The following FSCN1 variants were observed in gnomAD, a reference collection of about 807,000 sequenced individuals.
FSCN1 encodes fascin.
Under a neutral mutation model 39.7 loss-of-function variants are expected in FSCN1, and 10 were observed. The ratio of observed to expected loss-of-function variants is 0.25; its 90% CI spans 0.16 to 0.43. The LOEUF is 0.43. FSCN1 is among the 20% of genes least tolerant of loss of function. FSCN1 has a pLI of 1.00. For synonymous variants in FSCN1, 322 were observed against 320.0 expected (o/e 1.01, Z -0.07); for missense variants, 525 against 723.8 (o/e 0.73, Z 3.15).
Position 5,593,110 on chromosome 7 carries a change from G to A in FSCN1, c.174G>A (p.Ala58=). 6.2e-7 allele frequency: 1 copy of A among 1,604,884 alleles called. No homozygotes were observed. Among genetic ancestry groups the A allele is most frequent in the Non-Finnish European group, 8.5e-7 (1 of 1,177,112 alleles). The change falls in exon 1 of 5, where the codon GCG becomes GCA. Residue 58 remains alanine (A), a synonymous_variant. Transcript: ENST00000382361. ...LEQPPDEAGS[A]AVCLRSHLGR... is the part of the protein sequence containing the mutation. ...AGCCCCCTGACGAGGCGGGCAGCGC[G>A]GCCGTGTGCCTGCGCAGCCACCTGG...
intron 4 of FSCN1, 46 bp downstream of exon 4, chr7:5,604,076 G>C: frequency 6.3e-7 from 1 of 1,584,214 alleles, no homozygotes; most frequent in South Asian, 1.1e-5. Context: ...CCCCTCGGTC[G>C]GGGCTGGGGT....
Position 5,603,081 on chromosome 7 carries a change from G to A in FSCN1, c.833-176G>A. ...CTTGCCTTGGCCTCTGACCGGCCCT[G>A]CCTGCGTTCCTGGGTGCTCTCTGCT... On this transcript the variant is annotated intron_variant, in intron 1 of 4. Transcript: ENST00000382361. This position sits in a 1 kb window ranked among gnomAD's most constrained non-coding sequence, Gnocchi z 8.5. 1 of 666,080 alleles carries A rather than the reference G, an allele frequency of 1.5e-6. No homozygotes were observed. Among genetic ancestry groups the A allele is most frequent in the South Asian group, 1.8e-5 (1 of 54,562 alleles). 41.3% of individuals were successfully genotyped at this position (666,080 alleles called of 1,614,324 possible).
At position 5,605,196 on chromosome 7, in the gene FSCN1, G is replaced by A. The variant is rs542941432; in HGVS notation, c.1280-76G>A. The A allele has an allele frequency of 5.3e-6, 6 of 1,134,964 alleles. No individual in the cohort carries two copies. The Admixed American group carries it at 5.4e-5, about 10-fold the overall frequency. 70.3% of individuals were successfully genotyped at this position (1,134,964 alleles called of 1,614,324 possible). On this transcript the variant is annotated intron_variant, in intron 4 of 4. Transcript: ENST00000382361. The surrounding 1 kb of genome is among the most constrained non-coding windows in gnomAD (Gnocchi z 6.9). The stretch of plus-strand genomic sequence containing the variant: ...TGGGGCGTCACCCTTGGGAACACCC[G>A]TGCCCACCCTCCGCTGCCCAGGGTA...
chr7:5,601,867 CAG>C (rs1025460814), intron 1 of FSCN1, among the ~76,000 whole-genome samples: 4 of 151,934 alleles, frequency 2.6e-5, no homozygotes, highest in South Asian at 4.1e-4. Context: ...TTTGCCAACA[CAG>C]GGGTGTTCTG....
intron 1 of FSCN1, 137 bp downstream of exon 1, chr7:5,593,905 C>T (rs1219773109): frequency 1.6e-6 from 1 of 638,826 alleles, no homozygotes; most frequent in Non-Finnish European, 2.6e-6. Context: ...CCCCGCTAGG[C>T]ACGCGGGCTA....
At position 5,599,501 on chromosome 7, in the gene FSCN1, G is replaced by A. The variant is rs761015181; in HGVS notation, c.833-3756G>A. Among the ~76,000 whole-genome samples, 1 of 152,192 alleles carries A rather than the reference G, an allele frequency of 6.6e-6. No homozygotes were observed. The highest frequency in any genetic ancestry group is 2.1e-4 in the South Asian group (1 of 4,836). ...CTGTGGAGCAGATGTGGGGCTGCATGGTTGGGTCAGGATGGAACAGGATGG... is the reference window on the plus strand; with the variant it reads ...CTGTGGAGCAGATGTGGGGCTGCATAGTTGGGTCAGGATGGAACAGGATGG... On this transcript the variant is annotated intron_variant, in intron 1 of 4. Transcript: ENST00000382361. This position sits in a 1 kb window ranked among gnomAD's most constrained non-coding sequence, Gnocchi z 5.6.
intron 1 of FSCN1, among the ~76,000 whole-genome samples, chr7:5,598,782 C>G (rs916486858): frequency 6.6e-6 from 1 of 152,192 alleles, no homozygotes; most frequent in Non-Finnish European, 1.5e-5. Flanking sequence ...AGGAGGCTGT[C>G]CTCTTACCTG....
At chr7:5,604,187 C>T (rs1326261528) in intron 4 of FSCN1, among the ~76,000 whole-genome samples, 157 bp downstream of exon 4, 1 of 152,122 alleles carries the variant, frequency 6.6e-6, no homozygotes, top group African/African-American at 2.4e-5. Context: ...CCACCAGGGG[C>T]TCTGGGATGC....
intron 1 of FSCN1, among the ~76,000 whole-genome samples, chr7:5,595,950 G>T (rs535405338): frequency 1.3e-5 from 2 of 152,070 alleles, no homozygotes; most frequent in African/African-American, 4.8e-5. Context: ...AGGCTGATAG[G>T]GTGGGAGGAA....
At chr7:5,604,415 G>GCCCCTTCCCAGGAGGAC (rs1239252991) in intron 4 of FSCN1, among the ~76,000 whole-genome samples, 3 of 152,062 alleles carry the variant, frequency 2.0e-5, no homozygotes, top group Non-Finnish European at 4.4e-5. Flanking sequence ...TGGGACTGGA[G>GCCCCTTCCCAGGAGGAC]CCCCTTCCCA....
Position 5,599,116 on chromosome 7 carries a change from C to G in FSCN1, c.833-4141C>G, listed in dbSNP as rs1394343123. ...CTGGGGTGTGGCCTTAGGATGGTCCCGGCACCCTGGGACCCAGCCCCTGCT... is the reference window on the plus strand; with the variant it reads ...CTGGGGTGTGGCCTTAGGATGGTCCGGGCACCCTGGGACCCAGCCCCTGCT... On this transcript the variant is annotated intron_variant, in intron 1 of 4. Transcript: ENST00000382361. This position sits in a 1 kb window ranked among gnomAD's most constrained non-coding sequence, Gnocchi z 5.6. Among the ~76,000 whole-genome samples the G allele has an allele frequency of 6.8e-3, 1 of 148 alleles. No individual in the cohort carries two copies. The highest frequency in any genetic ancestry group is 0.1 in the South Asian group (1 of 10). The allele number at this position is 148 out of a possible 152,430, so 0.1% of individuals were successfully genotyped here. A position where few individuals can be genotyped will look rare whatever the true frequency, so the allele number is the denominator to read the frequency against.
rs756296237 is a variant in FSCN1, at chr7:5,593,144, C to G, written c.208C>G (p.Leu70Val). 10 of 1,603,240 alleles carry G rather than the reference C, an allele frequency of 6.2e-6. No homozygotes were observed. The highest frequency in any genetic ancestry group is 8.5e-6 in the Non-Finnish European group (10 of 1,176,070). ...CCTGCGCAGCCACCTGGGCCGCTAC[C>G]TGGCGGCGGACAAGGACGGCAACGT... Reference protein sequence around the residue: ...VCLRSHLGRYLAADKDGNVTC... With the variant: ...VCLRSHLGRYVAADKDGNVTC... The change falls in exon 1 of 5, where the codon CTG (leucine) becomes GTG (valine). Residue 70 changes from leucine (L) to valine (V), a missense_variant. Leu to Val is a conservative substitution (Grantham distance 32, BLOSUM62 1). Coordinates refer to ENST00000382361, the MANE Select transcript of FSCN1 (RefSeq NM_003088.4).
intron 1 of FSCN1, among the ~76,000 whole-genome samples, chr7:5,601,616 T>A (rs1785833017): frequency 6.6e-6 from 1 of 152,028 alleles, no homozygotes; most frequent in African/African-American, 2.4e-5. Context: ...GTTAGGAGGA[T>A]CATGTGAGGC....
rs1375915854 is a variant in FSCN1 at position 5,594,070 on chromosome 7, T to A, written c.832+302T>A. ...ACCCCCCCCCCCGCCCAATCTTGGC[T>A]CTCCCCACGCGCGCTGATCCCTCGG... On this transcript the variant is annotated intron_variant, in intron 1 of 4. Transcript: ENST00000382361. The A allele has an allele frequency of 3.6e-5, 11 of 307,406 alleles. No homozygotes were observed. The African/African-American group carries it at 3.7e-4, about 10-fold the overall frequency. 19.0% of individuals were successfully genotyped at this position (307,406 alleles called of 1,614,324 possible). A position where few individuals can be genotyped will look rare whatever the true frequency, so the allele number is the denominator to read the frequency against.
chr7:5,593,985 G>T, intron 1 of FSCN1: 1 of 555,640 alleles, frequency 1.8e-6, no homozygotes, highest in Non-Finnish European at 3.1e-6. Flanking sequence ...TCCCACCCCG[G>T]GCTGGGATCA....
intron 1 of FSCN1, among the ~76,000 whole-genome samples, chr7:5,601,845 G>C (rs1214994785): frequency 6.8e-6 from 1 of 147,692 alleles, no homozygotes; most frequent in African/African-American, 2.5e-5. Context: ...GAATCAAAAA[G>C]AAAGAGATGT....
chr7:5,593,223 A>G lies in FSCN1; in HGVS notation c.287A>G (p.His96Arg). ...GPDCRFLIVA[H>R]DDGRWSLQSE... ...GACTGCCGTTTCCTCATCGTGGCGC[A>G]CGACGACGGTCGCTGGTCGCTGCAG... Residue 96 changes from histidine (H) to arginine (R), a missense_variant, in exon 1 of 5, where the codon CAC becomes CGC. Coordinates refer to ENST00000382361, the MANE Select transcript of FSCN1 (RefSeq NM_003088.4). 1 of 1,607,390 alleles carries G rather than the reference A, an allele frequency of 6.2e-7. No homozygotes were observed. The highest frequency in any genetic ancestry group is 1.1e-5 in the South Asian group (1 of 90,400).
At chr7:5,601,872 G>T (rs541268733) in intron 1 of FSCN1, among the ~76,000 whole-genome samples, 2 of 152,142 alleles carry the variant, frequency 1.3e-5, no homozygotes, top group South Asian at 4.2e-4. Context: ...CAACACAGGG[G>T]TGTTCTGCAG....
chr7:5,603,491 C>T lies in FSCN1; in HGVS notation c.990-5C>T. 6.2e-7 allele frequency: 1 copy of T among 1,614,158 alleles called. No individual in the cohort carries two copies. The highest frequency in any genetic ancestry group is 8.5e-7 in the Non-Finnish European group (1 of 1,180,016). Reference sequence around the variant, plus strand: ...CCCGCCTGACCCTGTCCCGCCATCCCCCAGGAATGCCAGCTGCTACTTTGA... The same window carrying T: ...CCCGCCTGACCCTGTCCCGCCATCCTCCAGGAATGCCAGCTGCTACTTTGA... On this transcript the variant is annotated splice_polypyrimidine_tract_variant and splice_region_variant and intron_variant, in intron 2 of 4. Transcript: ENST00000382361. The surrounding 1 kb of genome is among the most constrained non-coding windows in gnomAD (Gnocchi z 8.5).
Sources: allele counts gnomAD v4.1 joint callset (sites outside exome capture counted in the v4.1 genomes callset), GRCh38; gene constraint gnomAD v4.1.1; non-coding constraint Gnocchi (gnomAD v3.1); transcripts MANE v1.5; gene names NCBI Gene and HGNC (gene_info 2026-07-23, HGNC 2026-07-21).